The following UGT1A9 variants were observed in gnomAD, a reference collection of about 807,000 sequenced individuals.
UGT1A9 encodes UDP glucuronosyltransferase family 1 member A9.
In UGT1A9, 35 loss-of-function variants were observed where a neutral mutation model predicts 45.0. The ratio of observed to expected loss-of-function variants is 0.78; its 90% CI spans 0.59 to 1.03. The LOEUF (loss-of-function observed/expected upper bound fraction) is 1.03. UGT1A9 is among the 50% of genes least tolerant of loss of function. The pLI, the probability that UGT1A9 is intolerant of heterozygous loss-of-function variation, is 0.00. For missense variants in UGT1A9, 687 were observed against 666.6 expected, an observed-to-expected ratio of 1.03 and a Z score of -0.34; for synonymous variants, 278 against 250.6, an observed-to-expected ratio of 1.11 and a Z score of -1.03.
intron 1 of UGT1A9, among the ~76,000 whole-genome samples, chr2:233,698,709 C>T (rs1285888187): frequency 6.6e-6 from 1 of 152,186 alleles, no homozygotes; most frequent in Non-Finnish European, 1.5e-5. Context: ...ATGTGCAAAG[C>T]CTTTTGAAAA....
intron 1 of UGT1A9, among the ~76,000 whole-genome samples, chr2:233,764,017 G>T (rs3771342): frequency 0.13 from 19,852 of 152,188 alleles, 1,421 homozygotes; most frequent in East Asian, 0.2. Flanking sequence ...GACCCACATG[G>T]TGTCTAAGTG....
At chr2:233,689,322 A>T (rs1279672784) in intron 1 of UGT1A9, among the ~76,000 whole-genome samples, 1 of 152,264 alleles carries the variant, frequency 6.6e-6, no homozygotes, top group Non-Finnish European at 1.5e-5. Flanking sequence ...AAACATCTAC[A>T]CTGAGATTTG....
chr2:233,769,857 C>CA lies in UGT1A9; in HGVS notation c.1295+1435dup, dbSNP rs879204025. On this transcript the variant is annotated intron_variant, in intron 4 of 4. Coordinates refer to ENST00000354728, the MANE Select transcript of UGT1A9 (RefSeq NM_021027.3). This position sits in a 1 kb window ranked among gnomAD's most constrained non-coding sequence, Gnocchi z 4.4. ...TGGGCAACAGAGTGAGACCCTGTCT[C>CA]AAAAAAAAAAAAAAAAATGAAAAGT... The CA allele has an allele frequency of 0.16, 34,791 of 223,900 alleles. 2,719 individuals are homozygous for CA. Among genetic ancestry groups the CA allele is most frequent in the African/African-American group, 0.37 (13,208 of 35,902 alleles). 13.9% of individuals were successfully genotyped at this position (223,900 alleles called of 1,614,324 possible).
At chr2:233,709,291 T>C (rs1460116182) in intron 1 of UGT1A9, among the ~76,000 whole-genome samples, 1 of 152,202 alleles carries the variant, frequency 6.6e-6, no homozygotes, top group Non-Finnish European at 1.5e-5. Context: ...CTTCAATTAA[T>C]GATATTTTCT....
At chr2:233,745,616 T>G (rs1169913759) in intron 1 of UGT1A9, among the ~76,000 whole-genome samples, 1 of 151,452 alleles carries the variant, frequency 6.6e-6, no homozygotes, top group African/African-American at 2.4e-5. Context: ...AAGCACACAA[T>G]GAACAGTCAT....
At chr2:233,722,847 T>TATGAAGACACTACTTAAAAAA (rs1484611213) in intron 1 of UGT1A9, among the ~76,000 whole-genome samples, 1 of 139,226 alleles carries the variant, frequency 7.2e-6, no homozygotes, top group Non-Finnish European at 1.5e-5. Context: ...GAATGTTTCT[T>TATGAAGACACTACTTAAAAAA]TTTTTTTTTT....
chr2:233,734,406 C>G (rs543210294), intron 1 of UGT1A9, among the ~76,000 whole-genome samples: 13 of 151,932 alleles, frequency 8.6e-5, no homozygotes, highest in African/African-American at 2.7e-4. Flanking sequence ...CTATTTGATT[C>G]TTCTCTCTTT....
At chr2:233,751,329 G>A (rs1694703475) in intron 1 of UGT1A9, among the ~76,000 whole-genome samples, 1 of 151,722 alleles carries the variant, frequency 6.6e-6, no homozygotes, top group Non-Finnish European at 1.5e-5. Flanking sequence ...CCCCCATTGT[G>A]TCTTGGAAGT....
intron 1 of UGT1A9, among the ~76,000 whole-genome samples, chr2:233,702,811 A>G (rs1473655443): frequency 6.6e-6 from 1 of 152,162 alleles, no homozygotes; most frequent in Non-Finnish European, 1.5e-5. Context: ...GAATAATCCC[A>G]CTTGATTGTG....
rs61740163 is a variant in UGT1A9 at position 233,729,805 on chromosome 2, T to G, written c.856-37229T>G. ...GGCCCTGTCCTACATTTGCCATGCT[T>G]TTTCTGCTCCTTATGCAAGCCTTGC... On this transcript the variant is annotated intron_variant, in intron 1 of 4. Coordinates refer to ENST00000354728, the MANE Select transcript of UGT1A9 (RefSeq NM_021027.3). 2.8e-4 allele frequency: 444 copies of G among 1,610,698 alleles called. 1 individual carries two copies. The African/African-American group carries it at 4.6e-3, about 17-fold the overall frequency.
chr2:233,736,308 T>C (rs1250743024), intron 1 of UGT1A9, among the ~76,000 whole-genome samples: 1 of 152,222 alleles, frequency 6.6e-6, no homozygotes, highest in African/African-American at 2.4e-5. Flanking sequence ...TAATCAGCTA[T>C]TGAATTTTGT....
At chr2:233,735,687 T>C (rs1251778606) in intron 1 of UGT1A9, among the ~76,000 whole-genome samples, 1 of 152,148 alleles carries the variant, frequency 6.6e-6, no homozygotes, top group African/African-American at 2.4e-5. Flanking sequence ...CTTTAGGAGC[T>C]CTTGTAAGGC....
intron 1 of UGT1A9, among the ~76,000 whole-genome samples, chr2:233,695,910 T>C (rs893646691): frequency 2.0e-5 from 3 of 152,132 alleles, no homozygotes; most frequent in East Asian, 3.9e-4. Context: ...GGGTTTTTTT[T>C]CTCCACACAC....
chr2:233,692,066 G>A (rs1433912228), intron 1 of UGT1A9: 1 of 152,176 alleles, frequency 6.6e-6, no homozygotes, highest in South Asian at 2.1e-4. Flanking sequence ...AGGGAAGAAA[G>A]GAGAGAGAGA....
chr2:233,767,788 G>T, intron 2 of UGT1A9, 61 bp from the exon 3 acceptor site: 1 of 1,613,882 alleles, frequency 6.2e-7, no homozygotes, highest in Non-Finnish European at 8.5e-7. Flanking sequence ...TAGTATAGCA[G>T]ATTTGTTTTC....
intron 1 of UGT1A9, among the ~76,000 whole-genome samples, chr2:233,746,352 C>T (rs540725782): frequency 6.6e-6 from 1 of 151,844 alleles, no homozygotes; most frequent in African/African-American, 2.4e-5. Flanking sequence ...TTATGTTGCT[C>T]CTTTAGTAAC....
Position 233,691,144 on chromosome 2 carries a change from G to C in UGT1A9, c.855+18355G>C, listed in dbSNP as rs946749152. 3 of 985,646 alleles carry C rather than the reference G, an allele frequency of 3.0e-6. No homozygotes were observed. The African/African-American group carries it at 5.2e-5, about 17-fold the overall frequency. The allele number at this position is 985,646 out of a possible 1,614,324, so 61.1% of individuals were successfully genotyped here. ...AAGCCATTCTTCCTCTAGATGAACT[G>C]TTCTTTGAAGGAAACCTGCCTAATG... On this transcript the variant is annotated intron_variant, in intron 1 of 4. Coordinates refer to ENST00000354728, the MANE Select transcript of UGT1A9 (RefSeq NM_021027.3).
At chr2:233,718,738 T>A (rs1216581751) in intron 1 of UGT1A9, 13 of 1,611,734 alleles carry the variant, frequency 8.1e-6, no homozygotes, top group Admixed American at 1.7e-5. Context: ...GGTGGCTCAA[T>A]GACAAGGTAA....
chr2:233,740,447 GAGA>G (rs1243845787), intron 1 of UGT1A9, among the ~76,000 whole-genome samples: 2 of 151,994 alleles, frequency 1.3e-5, no homozygotes, highest in African/African-American at 2.4e-5. Flanking sequence ...GGAATCAGAG[GAGA>G]AGAAGATGAT....
Sources: allele counts gnomAD v4.1 joint callset (sites outside exome capture counted in the v4.1 genomes callset), GRCh38; gene constraint gnomAD v4.1.1; non-coding constraint Gnocchi (gnomAD v3.1); transcripts MANE v1.5; gene names NCBI Gene and HGNC (gene_info 2026-07-23, HGNC 2026-07-21).